CACNA1G: variants seen among roughly 807,000 people sequenced by gnomAD.
CACNA1G encodes voltage-dependent T-type calcium channel subunit alpha-1G.
Under a neutral mutation model 219.4 loss-of-function variants are expected in CACNA1G, and 67 were observed. The ratio of observed to expected loss-of-function variants is 0.31; its 90% confidence interval spans 0.25 to 0.37. The LOEUF is 0.37. Ranked by LOEUF, CACNA1G falls within the 10% of genes least tolerant of loss-of-function variation. CACNA1G has a pLI of 1.00. For missense variants in CACNA1G, 2,380 were observed against 3,231.4 expected, an observed-to-expected ratio of 0.74 and a Z score of 6.39; for synonymous variants, 1,296 against 1,345.3, an observed-to-expected ratio of 0.96 and a Z score of 0.80.
rs1187280656 is a variant in CACNA1G at position 50,626,775 on chromosome 17, C to A, written c.*24C>A. 3 of 1,612,834 alleles carry A rather than the reference C, an allele frequency of 1.9e-6. No homozygotes were observed. The highest frequency in any genetic ancestry group is 2.2e-5 in the South Asian group (2 of 91,090). ...GAGTCCTGCCCCACTTTCCCACTCA[C>A]CTTTCTCCACTGGGTGCCAAGTCCT... On this transcript the variant is annotated 3_prime_UTR_variant, in exon 38 of 38. Transcript: ENST00000359106. The surrounding 1 kb of genome is among the most constrained non-coding windows in gnomAD (Gnocchi z 4.3).
Position 50,602,858 on chromosome 17 carries a change from C to T in CACNA1G, c.3954C>T (p.Thr1318=). 2 of 1,613,812 alleles carry T rather than the reference C, an allele frequency of 1.2e-6. No individual in the cohort carries two copies. The highest frequency in any genetic ancestry group is 1.7e-6 in the Non-Finnish European group (2 of 1,179,858). The change falls in exon 20 of 38, where the codon ACC becomes ACT. Residue 1318 remains threonine (T), a synonymous_variant. Transcript: ENST00000359106. ...TGACCCTCTCCAATTACATCTTCAC[C>T]GCAGTCTTTCTGGCTGAAATGACAG... is the stretch of plus-strand genomic sequence containing the variant. The part of the protein sequence containing the change: ...IFLTLSNYIF[T]AVFLAEMTVK...
chr17:50,591,705 TG>T, intron 11 of CACNA1G, 33 bp from the exon 12 acceptor site: 3 of 1,612,140 alleles, frequency 1.9e-6, no homozygotes, highest in Non-Finnish European at 1.7e-6. Context: ...CACTGGGCTC[TG>T]ATCCCTAGCT....
chr17:50,573,240 C>A lies in CACNA1G; in HGVS notation c.1140+127C>A, dbSNP rs868381221. The A allele has an allele frequency of 7.3e-6, 5 of 683,774 alleles. 1 individual carries two copies. In the Middle Eastern group the frequency reaches 1.2e-3, roughly 168 times the overall value. 42.4% of individuals were successfully genotyped at this position (683,774 alleles called of 1,614,324 possible). ...CTCAGGACAAGTCCTGTAGAGAGGG[C>A]ATCCATCATATAGTAGGAGGGACAC... On this transcript the variant is annotated intron_variant, in intron 7 of 37. Coordinates refer to ENST00000359106, the MANE Select transcript of CACNA1G (RefSeq NM_018896.5).
intron 26 of CACNA1G, among the ~76,000 whole-genome samples, chr17:50,610,219 C>G (rs376170285): frequency 4.6e-5 from 7 of 152,244 alleles, no homozygotes; most frequent in African/African-American, 1.7e-4. Context: ...CACCTCTTCC[C>G]TCCTGTGCCT....
At chr17:50,624,231 G>C in intron 36 of CACNA1G, 129 bp from the exon 37 acceptor site, 4 of 1,249,790 alleles carry the variant, frequency 3.2e-6, no homozygotes, top group Non-Finnish European at 4.5e-6. Context: ...TTTGAGTCCA[G>C]GGGGTAAGGG....
intron 22 of CACNA1G, among the ~76,000 whole-genome samples, chr17:50,604,849 T>C (rs1028507964): frequency 1.3e-5 from 2 of 152,164 alleles, no homozygotes; most frequent in East Asian, 3.9e-4. Flanking sequence ...CCCTCCATCA[T>C]AGTCTTCCAG....
At chr17:50,614,241 A>G (rs988613135) in intron 26 of CACNA1G, among the ~76,000 whole-genome samples, 4 of 152,134 alleles carry the variant, frequency 2.6e-5, no homozygotes, top group Admixed American at 6.5e-5. Context: ...CTGGGCCCAA[A>G]GCTTCCTGCT....
At position 50,596,798 on chromosome 17, in the gene CACNA1G, G is replaced by A. The variant is rs2045642971; in HGVS notation, c.3133G>A (p.Ala1045Thr). 3 of 1,611,482 alleles carry A rather than the reference G, an allele frequency of 1.9e-6. No homozygotes were observed. Among genetic ancestry groups the A allele is most frequent in the East Asian group, 2.2e-5 (1 of 44,834 alleles). The change falls in exon 16 of 38, where the codon GCC becomes ACC. Residue 1045 changes from alanine (A) to threonine (T), a missense_variant. Physicochemically the swap from Ala to Thr is moderately conservative, Grantham distance 58. Transcript: ENST00000359106. This position sits in a 1 kb window ranked among gnomAD's most constrained non-coding sequence, Gnocchi z 4.8. ...LLPPLIIHTA[A>T]TPMSLPKSTS... ...GCCGCCTCTCATCATCCACACGGCC[G>A]CCACACCCATGTCGCTGCCCAAGAG...
In CACNA1G at chr17:50,626,613, G is replaced by A. The variant is rs763547162; in HGVS notation, c.6996G>A (p.Arg2332=). ...RTPPSPGICL[R]RRAPSSDSKD... is the part of the protein sequence containing the mutation. ...CGCCCAGCCCTGGTATCTGCCTCCG[G>A]AGGAGGGCTCCGTCCAGCGACTCCA... is the stretch of plus-strand genomic sequence containing the variant. Residue 2332 remains arginine, a synonymous_variant, in exon 38 of 38, where the codon CGG becomes CGA. Transcript: ENST00000359106. The surrounding 1 kb of genome is among the most constrained non-coding windows in gnomAD (Gnocchi z 4.3). The A allele has an allele frequency of 3.1e-6, 5 of 1,612,708 alleles. No homozygotes were observed. In the Admixed American group the frequency reaches 8.3e-5, roughly 27 times the overall value.
At chr17:50,568,848 C>T (rs891683118) in intron 1 of CACNA1G, 22 bp from the exon 2 acceptor site, 2 of 1,601,308 alleles carry the variant, frequency 1.2e-6, no homozygotes, top group African/African-American at 2.7e-5. Flanking sequence ...CCTTGGCCAG[C>T]TGTTTCCTTG....
intron 26 of CACNA1G, among the ~76,000 whole-genome samples, chr17:50,613,338 A>G (rs908291080): frequency 9.2e-5 from 14 of 152,202 alleles, no homozygotes; most frequent in African/African-American, 3.4e-4. Context: ...GGTAGGGGCC[A>G]GGGTGGAGGG....
Position 50,596,492 on chromosome 17 carries a change from G to GGA in CACNA1G, c.2980-68_2980-67dup. On this transcript the variant is annotated intron_variant, in intron 14 of 37. Transcript: ENST00000359106. The surrounding 1 kb of genome is among the most constrained non-coding windows in gnomAD (Gnocchi z 4.8). ...ATGTGGTGTGCGTGTGTGAAGAGAG[G>GGA]GAGGCCCGGTCCATCCCAACCACCC... 8.1e-7 allele frequency: 1 copy of GGA among 1,241,834 alleles called. No homozygotes were observed. Among genetic ancestry groups the GGA allele is most frequent in the African/African-American group, 1.5e-5 (1 of 67,576 alleles). The allele number at this position is 1,241,834 out of a possible 1,614,324, so 76.9% of individuals were successfully genotyped here.
chr17:50,590,998 T>C (rs2044202821), intron 10 of CACNA1G, among the ~76,000 whole-genome samples: 1 of 152,102 alleles, frequency 6.6e-6, no homozygotes, highest in Non-Finnish European at 1.5e-5. Flanking sequence ...GCTCGAAAAG[T>C]GCTTGGAAAT....
intron 13 of CACNA1G, among the ~76,000 whole-genome samples, chr17:50,592,576 G>C (rs1318560958): frequency 6.6e-6 from 1 of 152,220 alleles, no homozygotes. Flanking sequence ...AGCCCAATTA[G>C]CTACGGGCAT....
intron 6 of CACNA1G, 29 bp from the exon 7 acceptor site, chr17:50,572,992 T>C: frequency 6.4e-7 from 1 of 1,568,008 alleles, no homozygotes; most frequent in East Asian, 2.3e-5. Context: ...GGTGGGCCCA[T>C]AGTCAGCCTG....
chr17:50,615,066 G>A (rs1468482023), intron 26 of CACNA1G, among the ~76,000 whole-genome samples: 2 of 152,114 alleles, frequency 1.3e-5, no homozygotes, highest in Non-Finnish European at 2.9e-5. Flanking sequence ...GGGGCTGGTG[G>A]ATTTTGGAGG....
At chr17:50,604,065 GT>G in intron 21 of CACNA1G, 89 bp from the exon 22 acceptor site, 1 of 1,384,438 alleles carries the variant, frequency 7.2e-7, no homozygotes, top group South Asian at 1.6e-5. Flanking sequence ...GGGACCAGTG[GT>G]CAAGGTTGGG....
rs1434891205 is a variant in CACNA1G, at chr17:50,623,912, G to T, written c.6066G>T (p.Gln2022His). 3 of 1,608,632 alleles carry T rather than the reference G, an allele frequency of 1.9e-6. No homozygotes were observed. Among genetic ancestry groups the T allele is most frequent in the Non-Finnish European group, 2.6e-6 (3 of 1,176,168 alleles). Residue 2022 changes from glutamine to histidine, a missense_variant, in exon 36 of 38, where the codon CAG becomes CAT. Physicochemically the swap from Gln to His is conservative, Grantham distance 24. Coordinates refer to ENST00000359106, the MANE Select transcript of CACNA1G (RefSeq NM_018896.5). ...CTCCCCTGTTCCTTTTGCAGATGCA[G>T]CCCCACCCCACGGAGCTGCCAGGAC... ...LLLSALESNM[Q>H]PHPTELPGPD...
intron 19 of CACNA1G, 82 bp downstream of exon 19, chr17:50,601,256 T>A: frequency 6.5e-7 from 1 of 1,538,538 alleles, no homozygotes; most frequent in South Asian, 1.2e-5. Context: ...GAGGCCACAG[T>A]TGCTGACCTG....
Sources: allele counts gnomAD v4.1 joint callset (sites outside exome capture counted in the v4.1 genomes callset), GRCh38; gene constraint gnomAD v4.1.1; non-coding constraint Gnocchi (gnomAD v3.1); transcripts MANE v1.5; gene names NCBI Gene and HGNC (gene_info 2026-07-23, HGNC 2026-07-21).